The following PHC2 variants were observed in gnomAD, a reference collection of about 807,000 sequenced individuals.
PHC2 encodes polyhomeotic homolog 2.
In PHC2, 29 loss-of-function variants were observed where a neutral mutation model predicts 87.4. That is an observed-to-expected ratio of 0.33 (90% CI 0.25 to 0.45). The LOEUF is 0.45. Ranked by LOEUF, PHC2 falls within the 20% of genes least tolerant of loss-of-function variation. The probability of loss-of-function intolerance (pLI) is 1.00; values close to 1 mark genes in which losing one functional copy is unlikely to be tolerated. For synonymous variants in PHC2, 438 were observed against 461.7 expected, an observed-to-expected ratio of 0.95 and a Z score of 0.66; for missense variants, 857 against 1,136.7, an observed-to-expected ratio of 0.75 and a Z score of 3.54.
At chr1:33,411,721 C>G (rs1649990934) in intron 1 of PHC2, among the ~76,000 whole-genome samples, 1 of 152,032 alleles carries the variant, frequency 6.6e-6, no homozygotes, top group African/African-American at 2.4e-5. Flanking sequence ...CCACCACGCC[C>G]AGCTAATTTT....
At chr1:33,346,017 A>G in intron 9 of PHC2, 1 of 985,368 alleles carries the variant, frequency 1.0e-6, no homozygotes, top group Non-Finnish European at 1.2e-6. Flanking sequence ...CTGGTGACTC[A>G]TAGTTTAAAC....
Position 33,334,883 on chromosome 1 carries a change from G to C in PHC2, c.1559-591C>G, listed in dbSNP as rs77157296. ...ATGTATATTTGACTATTCAGAGACT[G>C]GTCATCTGGGGTCAGTGCATTGAAA... On this transcript the variant is annotated intron_variant, in intron 9 of 14. Coordinates refer to ENST00000683057, the MANE Select transcript of PHC2 (RefSeq NM_001385109.1). The surrounding 1 kb of genome is among the most constrained non-coding windows in gnomAD (Gnocchi z 5.5). Among the ~76,000 whole-genome samples, 569 of 152,324 alleles carry C rather than the reference G, an allele frequency of 3.7e-3. 5 individuals carry two copies. Among genetic ancestry groups the C allele is most frequent in the African/African-American group, 0.013 (539 of 41,562 alleles).
chr1:33,346,684 T>C (rs1187708463), intron 9 of PHC2: 1 of 985,418 alleles, frequency 1.0e-6, no homozygotes, highest in Non-Finnish European at 1.2e-6. Flanking sequence ...GGCTTGCTGA[T>C]CCATGCTGGA....
intron 9 of PHC2, among the ~76,000 whole-genome samples, chr1:33,343,687 G>A (rs1038165458): frequency 4.6e-5 from 7 of 152,156 alleles, no homozygotes; most frequent in Non-Finnish European, 1.0e-4. Context: ...CCTGTGAGAA[G>A]ATTAGGAAAT....
chr1:33,428,626 G>A (rs1650777802), intron 1 of PHC2, among the ~76,000 whole-genome samples: 1 of 152,188 alleles, frequency 6.6e-6, no homozygotes, highest in East Asian at 1.9e-4. Flanking sequence ...CTGGCTAGTT[G>A]ATGGCTAATG....
intron 7 of PHC2, among the ~76,000 whole-genome samples, chr1:33,356,659 C>T (rs1378600911): frequency 2.6e-5 from 4 of 151,172 alleles, no homozygotes; most frequent in African/African-American, 9.7e-5. Flanking sequence ...TTTCTTAGTA[C>T]AGAACAAAAT....
intron 1 of PHC2, among the ~76,000 whole-genome samples, chr1:33,430,455 G>T (rs975155195): frequency 6.6e-6 from 1 of 152,174 alleles, no homozygotes; most frequent in African/African-American, 2.4e-5. Context: ...TCACGCCGCG[G>T]CTGGGGAGCG....
chr1:33,325,040 A>G (rs1318174020), intron 14 of PHC2, 21 bp from the exon 15 acceptor site: 8 of 1,592,438 alleles, frequency 5.0e-6, no homozygotes, highest in Non-Finnish European at 6.0e-6. Context: ...ACCACCAAAG[A>G]CAGTGTCAAT....
rs1646333189 is a variant in PHC2 at position 33,324,711 on chromosome 1, TGGA to T, written c.*151_*153del. On this transcript the variant is annotated 3_prime_UTR_variant, in exon 15 of 15. Coordinates refer to ENST00000683057, the MANE Select transcript of PHC2 (RefSeq NM_001385109.1). ...AGAAATGAAAGGCCCCTGAGAGCCA[TGGA>T]GGAGGTGCCCAGACCTCCTCACCAG... The T allele has an allele frequency of 4.5e-6, 3 of 662,958 alleles. No individual in the cohort carries two copies. The highest frequency in any genetic ancestry group is 1.8e-5 in the African/African-American group (1 of 55,064). 41.1% of individuals were successfully genotyped at this position (662,958 alleles called of 1,614,324 possible). A position where few individuals can be genotyped will look rare whatever the true frequency, so the allele number is the denominator to read the frequency against.
chr1:33,334,288 T>C lies in PHC2; in HGVS notation c.1563A>G (p.Thr521=). Residue 521 remains threonine, a synonymous_variant, in exon 10 of 15, where the codon ACA becomes ACG. Transcript: ENST00000683057. The surrounding 1 kb of genome is among the most constrained non-coding windows in gnomAD (Gnocchi z 5.5). ...PNIQPSPAHE[T]GQGIVHALTD... ...TCAGTGCATGAACAATGCCCTGCCCTGTCTCTGCACGAGAGAGAGTAGGAA... is the reference window on the plus strand; with the variant it reads ...TCAGTGCATGAACAATGCCCTGCCCCGTCTCTGCACGAGAGAGAGTAGGAA... 1.2e-6 allele frequency: 2 copies of C among 1,612,420 alleles called. No individual in the cohort carries two copies. The highest frequency in any genetic ancestry group is 8.5e-7 in the Non-Finnish European group (1 of 1,179,238).
At chr1:33,361,705 G>C (rs1296038169) in intron 7 of PHC2, among the ~76,000 whole-genome samples, 1 of 152,262 alleles carries the variant, frequency 6.6e-6, no homozygotes, top group Non-Finnish European at 1.5e-5. Flanking sequence ...TCTAGCAGTT[G>C]TGAGTAGGAT....
intron 10 of PHC2, 183 bp downstream of exon 10, chr1:33,333,907 C>G: frequency 1.7e-6 from 1 of 599,484 alleles, no homozygotes; most frequent in Non-Finnish European, 2.9e-6. Flanking sequence ...ACTGACCCCC[C>G]TCTTCTGGAC....
chr1:33,417,315 T>C (rs551743870), intron 1 of PHC2, among the ~76,000 whole-genome samples: 22 of 152,110 alleles, frequency 1.4e-4, no homozygotes, highest in East Asian at 3.8e-4. Flanking sequence ...TAAATGTAAA[T>C]TGTTTACACA....
At chr1:33,348,653 A>G (rs1480253240) in intron 9 of PHC2, among the ~76,000 whole-genome samples, 14 of 152,216 alleles carry the variant, frequency 9.2e-5, no homozygotes, top group Non-Finnish European at 1.8e-4. Flanking sequence ...TCTGGGCCCA[A>G]TATGCTAATG....
At chr1:33,414,172 C>G (rs1179670827) in intron 1 of PHC2, among the ~76,000 whole-genome samples, 2 of 136,176 alleles carry the variant, frequency 1.5e-5, no homozygotes, top group Non-Finnish European at 3.2e-5. Context: ...TATTCTCTCT[C>G]TCTGTCACAC....
At chr1:33,412,411 C>A (rs1260395142) in intron 1 of PHC2, among the ~76,000 whole-genome samples, 5 of 152,138 alleles carry the variant, frequency 3.3e-5, no homozygotes, top group African/African-American at 1.2e-4. Flanking sequence ...CACGTGCGTG[C>A]GCGTGCATTC....
At position 33,349,943 on chromosome 1, in the gene PHC2, GGGCGA is replaced by G; in HGVS notation, c.1558+4453_1558+4457del. The G allele has an allele frequency of 1.4e-6, 1 of 725,878 alleles. No individual in the cohort carries two copies. Among genetic ancestry groups the G allele is most frequent in the Non-Finnish European group, 1.7e-6 (1 of 594,974 alleles). 45.0% of individuals were successfully genotyped at this position (725,878 alleles called of 1,614,324 possible). A position where few individuals can be genotyped will look rare whatever the true frequency, so the allele number is the denominator to read the frequency against. On this transcript the variant is annotated intron_variant, in intron 9 of 14. Transcript: ENST00000683057. This position sits in a 1 kb window ranked among gnomAD's most constrained non-coding sequence, Gnocchi z 4.2. ...CCCGCGGCCGCCTCCGCCGGGGGCG[GGGCGA>G]GGGAGCGGGGCGGGGAGGGGCGGGG...
intron 9 of PHC2, among the ~76,000 whole-genome samples, chr1:33,342,212 C>T (rs1570460746): frequency 6.6e-6 from 1 of 152,370 alleles, no homozygotes; most frequent in East Asian, 1.9e-4. Context: ...CCCTCAGCGT[C>T]ACTGCAAAAT....
In PHC2 at chr1:33,354,381, G is replaced by A. The variant is rs973744956; in HGVS notation, c.1558+20C>T. On this transcript the variant is annotated intron_variant, in intron 9 of 14. Coordinates refer to ENST00000683057, the MANE Select transcript of PHC2 (RefSeq NM_001385109.1). ...AGGCCAACTTCCTCCCCTCCCCCAGGGCCCCACTGTGCTTCATACCGTGAG... is the reference window on the plus strand; with the variant it reads ...AGGCCAACTTCCTCCCCTCCCCCAGAGCCCCACTGTGCTTCATACCGTGAG... 2.5e-6 allele frequency: 4 copies of A among 1,594,434 alleles called. No individual in the cohort carries two copies. Among genetic ancestry groups the A allele is most frequent in the Non-Finnish European group, 3.4e-6 (4 of 1,168,748 alleles).
Sources: allele counts gnomAD v4.1 joint callset (sites outside exome capture counted in the v4.1 genomes callset), GRCh38; gene constraint gnomAD v4.1.1; non-coding constraint Gnocchi (gnomAD v3.1); transcripts MANE v1.5; gene names NCBI Gene and HGNC (gene_info 2026-07-23, HGNC 2026-07-21).